Variants in PCDH9 observed in about 807,000 individuals in gnomAD.
The protein encoded by PCDH9 is protocadherin 9.
In PCDH9, 24 loss-of-function variants were observed where a neutral mutation model predicts 70.6. The observed-to-expected ratio is 0.34, with a 90% CI of 0.25 to 0.48. The LOEUF (loss-of-function observed/expected upper bound fraction) is 0.48. Among genes scored for constraint, PCDH9 ranks in the 20% least tolerant of loss-of-function variants. The pLI, the probability that PCDH9 is intolerant of heterozygous loss-of-function variation, is 0.99. For missense variants in PCDH9, 1,281 were observed against 1,503.6 expected (o/e 0.85, Z 2.45); for synonymous variants, 562 against 558.5 (o/e 1.01, Z -0.09).
intron 4 of PCDH9, among the ~76,000 whole-genome samples, chr13:66,510,310 AC>A (rs1430412764): frequency 6.6e-6 from 1 of 151,898 alleles, no homozygotes; most frequent in Non-Finnish European, 1.5e-5. Context: ...TTTATAAAGC[AC>A]CCAAGTCTTG....
At chr13:66,991,444 A>AAT (rs1276277797) in intron 2 of PCDH9, among the ~76,000 whole-genome samples, 1 of 152,072 alleles carries the variant, frequency 6.6e-6, no homozygotes, top group Non-Finnish European at 1.5e-5. Context: ...AATAAGAAAA[A>AAT]ATATATATTA....
intron 2 of PCDH9, among the ~76,000 whole-genome samples, chr13:67,064,571 G>C (rs1454192742): frequency 2.0e-5 from 3 of 152,080 alleles, no homozygotes; most frequent in Admixed American, 2.0e-4. Context: ...TTAAATATCT[G>C]TTCCTTGTAG....
intron 3 of PCDH9, among the ~76,000 whole-genome samples, chr13:66,677,918 C>T (rs1309651231): frequency 1.3e-5 from 2 of 152,124 alleles, no homozygotes; most frequent in Admixed American, 6.6e-5. Flanking sequence ...TAATATTCTG[C>T]TTCAGTGATA....
intron 4 of PCDH9, among the ~76,000 whole-genome samples, chr13:66,430,498 C>T (rs1957751891): frequency 6.6e-6 from 1 of 151,926 alleles, no homozygotes; most frequent in Non-Finnish European, 1.5e-5. Flanking sequence ...TAAATCCTTC[C>T]AGTGAAGCAA....
chr13:67,022,935 T>C (rs1040924300), intron 2 of PCDH9, among the ~76,000 whole-genome samples: 1 of 152,366 alleles, frequency 6.6e-6, no homozygotes, highest in Non-Finnish European at 1.5e-5. Context: ...CCCTGGATAC[T>C]GAGTGTGACA....
At chr13:66,477,238 T>G (rs574296157) in intron 4 of PCDH9, among the ~76,000 whole-genome samples, 1 of 152,242 alleles carries the variant, frequency 6.6e-6, no homozygotes, top group Non-Finnish European at 1.5e-5. Flanking sequence ...GGATGCCACT[T>G]ATTTATAAGC....
chr13:67,184,510 C>T (rs915195591), intron 2 of PCDH9, among the ~76,000 whole-genome samples: 1 of 152,142 alleles, frequency 6.6e-6, no homozygotes, highest in Non-Finnish European at 1.5e-5. Context: ...GGGCAGTCTC[C>T]TTGAGCTCAG....
intron 3 of PCDH9, among the ~76,000 whole-genome samples, chr13:66,764,205 A>G: frequency 6.6e-6 from 1 of 151,908 alleles, no homozygotes. Context: ...TGATAAAAAT[A>G]TAATGATTGA....
intron 3 of PCDH9, among the ~76,000 whole-genome samples, chr13:66,762,247 G>T (rs1257244884): frequency 1.3e-5 from 2 of 152,084 alleles, no homozygotes; most frequent in African/African-American, 4.8e-5. Context: ...GCTGAGGTTT[G>T]TACAGAACCT....
intron 3 of PCDH9, among the ~76,000 whole-genome samples, chr13:66,757,905 T>G (rs2139241265): frequency 6.6e-6 from 1 of 152,162 alleles, no homozygotes; most frequent in Non-Finnish European, 1.5e-5. Context: ...GTTCAACAAC[T>G]TAGCCTAAAT....
At chr13:67,137,257 G>C (rs2087256173) in intron 2 of PCDH9, among the ~76,000 whole-genome samples, 1 of 152,102 alleles carries the variant, frequency 6.6e-6, no homozygotes, top group Non-Finnish European at 1.5e-5. Context: ...GCCAGGGCTT[G>C]ATACGGGTGA....
At chr13:66,487,168 C>T (rs925258271) in intron 4 of PCDH9, among the ~76,000 whole-genome samples, 1 of 152,068 alleles carries the variant, frequency 6.6e-6, no homozygotes, top group Admixed American at 6.5e-5. Flanking sequence ...TCTTGTTTTG[C>T]CAGGATGCAG....
chr13:66,322,899 G>A (rs1315098480), intron 4 of PCDH9, among the ~76,000 whole-genome samples: 3 of 151,958 alleles, frequency 2.0e-5, no homozygotes, highest in Admixed American at 2.0e-4. Flanking sequence ...TTGTGGTAAA[G>A]CTTTCTGGCT....
chr13:67,033,717 C>A (rs952994442), intron 2 of PCDH9, among the ~76,000 whole-genome samples: 2 of 152,182 alleles, frequency 1.3e-5, no homozygotes, highest in African/African-American at 4.8e-5. Context: ...ACTCTGCTTT[C>A]TGCAATATGA....
intron 3 of PCDH9, among the ~76,000 whole-genome samples, chr13:66,736,508 A>G (rs1234860618): frequency 3.9e-5 from 6 of 152,168 alleles, no homozygotes; most frequent in Non-Finnish European, 8.8e-5. Flanking sequence ...GTTAGAAAAT[A>G]AATTTCTGTT....
intron 2 of PCDH9, among the ~76,000 whole-genome samples, chr13:67,145,012 G>A (rs939674374): frequency 2.6e-5 from 4 of 152,046 alleles, no homozygotes; most frequent in Non-Finnish European, 2.9e-5. Context: ...TGTGGACTGC[G>A]TGGGAAGGTG....
intron 2 of PCDH9, chr13:67,209,063 T>C (rs1447857422): frequency 2.6e-5 from 4 of 152,160 alleles, no homozygotes; most frequent in African/African-American, 7.2e-5. Flanking sequence ...GAAACACTCA[T>C]ACCTTCCCCT....
chr13:66,667,290 T>C (rs1258482377), intron 3 of PCDH9, among the ~76,000 whole-genome samples: 2 of 152,174 alleles, frequency 1.3e-5, no homozygotes, highest in Non-Finnish European at 2.9e-5. Flanking sequence ...TGAAAGCTCT[T>C]TCCAGTCACA....
At chr13:67,214,864 C>A (rs1370958906) in intron 2 of PCDH9, 1 of 144,042 alleles carries the variant, frequency 6.9e-6, no homozygotes, top group East Asian at 2.1e-4. Flanking sequence ...CTGTCAATGG[C>A]AAGCTGGTAT....
Sources: gnomAD v4.1 joint callset for allele counts (sites outside exome capture counted in the v4.1 genomes callset) on GRCh38, gnomAD v4.1.1 for gene constraint, MANE v1.5 for transcripts, NCBI Gene and HGNC (gene_info 2026-07-23, HGNC 2026-07-21) for gene names.